The following FAM171B variants were observed in gnomAD, a reference collection of about 807,000 sequenced individuals.
FAM171B encodes the protein protein FAM171B.
FAM171B carries 19 observed loss-of-function variants against 75.6 expected under a neutral mutation model. The ratio of observed to expected loss-of-function variants is 0.25; its 90% CI spans 0.18 to 0.37. The LOEUF is 0.37. Among genes scored for constraint, FAM171B ranks in the 10% least tolerant of loss-of-function variants. The pLI is 1.00. For synonymous variants in FAM171B, 367 were observed against 361.7 expected (o/e 1.01, Z -0.17); for missense variants, 848 against 982.4 (o/e 0.86, Z 1.83).
chr2:186,704,361 T>G (rs1689705764), intron 1 of FAM171B, among the ~76,000 whole-genome samples: 2 of 152,164 alleles, frequency 1.3e-5, no homozygotes. Context: ...AAGTATTCCC[T>G]TCCCGGGTTA....
At chr2:186,703,076 TACAC>T (rs35043744) in intron 1 of FAM171B, among the ~76,000 whole-genome samples, 6 of 145,572 alleles carry the variant, frequency 4.1e-5, no homozygotes, top group South Asian at 2.2e-4. Context: ...TATATATATA[TACAC>T]ACACACACAC....
At position 186,698,259 on chromosome 2, in the gene FAM171B, A is replaced by G. The variant is rs76395778; in HGVS notation, c.238+3848A>G. Among the ~76,000 whole-genome samples the G allele has an allele frequency of 1.5e-3, 236 of 152,342 alleles. 1 individual carries two copies. In the East Asian group the frequency reaches 0.03, roughly 19 times the overall value. On this transcript the variant is annotated intron_variant, in intron 1 of 7. Transcript: ENST00000304698. Reference sequence around the variant, plus strand: ...GAGACACAGGGGATCTCCAGGGATCATAGAAATGTCTTTTCAGTACAGAGA... The same window carrying G: ...GAGACACAGGGGATCTCCAGGGATCGTAGAAATGTCTTTTCAGTACAGAGA...
chr2:186,713,350 G>A lies in FAM171B; in HGVS notation c.238+18939G>A, dbSNP rs368717105. Among the ~76,000 whole-genome samples, 22 of 152,304 alleles carry A rather than the reference G, an allele frequency of 1.4e-4. No individual in the cohort carries two copies. The East Asian group carries it at 4.2e-3, about 29-fold the overall frequency. ...TAAAATCTATTCTTCCCCTTCTGGGGGGTGATCTTGGGGAAACTCATTAAA... is the reference window on the plus strand; with the variant it reads ...TAAAATCTATTCTTCCCCTTCTGGGAGGTGATCTTGGGGAAACTCATTAAA... On this transcript the variant is annotated intron_variant, in intron 1 of 7. Coordinates refer to ENST00000304698, the MANE Select transcript of FAM171B (RefSeq NM_177454.4).
At chr2:186,709,198 C>G (rs1689777153) in intron 1 of FAM171B, among the ~76,000 whole-genome samples, 1 of 152,070 alleles carries the variant, frequency 6.6e-6, no homozygotes, top group Non-Finnish European at 1.5e-5. Flanking sequence ...GAAATCTGCC[C>G]CCATGATCCA....
chr2:186,743,275 C>T (rs1690318379), intron 2 of FAM171B, among the ~76,000 whole-genome samples: 1 of 151,996 alleles, frequency 6.6e-6, no homozygotes, highest in South Asian at 2.1e-4. Flanking sequence ...ATAGTGATAA[C>T]CAATGTTTTC....
At chr2:186,730,606 T>C (rs1010428885) in intron 1 of FAM171B, among the ~76,000 whole-genome samples, 1 of 152,200 alleles carries the variant, frequency 6.6e-6, no homozygotes, top group Non-Finnish European at 1.5e-5. Flanking sequence ...ATTTGGATCA[T>C]CAAGACTTGA....
intron 1 of FAM171B, among the ~76,000 whole-genome samples, chr2:186,737,182 G>A (rs945071565): frequency 6.6e-6 from 1 of 152,250 alleles, no homozygotes; most frequent in East Asian, 1.9e-4. Flanking sequence ...CGTTTACAGG[G>A]GAAGAGAAAG....
rs770243534 is a variant in FAM171B at position 186,694,332 on chromosome 2, A to ACAG, written c.161_162insGCA (p.Gln56dup). 49 of 1,612,508 alleles carry ACAG rather than the reference A, an allele frequency of 3.0e-5. No homozygotes were observed. In the Middle Eastern group the frequency reaches 9.9e-4, roughly 32 times the overall value. The stretch of plus-strand genomic sequence containing the variant: ...AGCAGCAGCAGCAGCAACAACAACA[A>ACAG]CAACAGCAAAAGCAGCTGGAGGAGG... On this transcript the variant is annotated inframe_insertion, in exon 1 of 8. Coordinates refer to ENST00000304698, the MANE Select transcript of FAM171B (RefSeq NM_177454.4).
rs1292998495 is a variant in FAM171B at position 186,761,760 on chromosome 2, A to G, written c.1418A>G (p.Asn473Ser). The G allele has an allele frequency of 6.2e-7, 1 of 1,613,294 alleles. No homozygotes were observed. The highest frequency in any genetic ancestry group is 2.2e-5 in the East Asian group (1 of 44,868). ...GAAGATGTTTCATTTCTATCAGTCA[A>G]TCAAAATAATTACTCAAGAAACCCA... is the stretch of plus-strand genomic sequence containing the variant. ...YNEDVSFLSV[N>S]QNNYSRNPTQ... Residue 473 changes from asparagine (N) to serine (S), a missense_variant, in exon 8 of 8, where the codon AAT becomes AGT. Physicochemically the swap from Asn to Ser is conservative, Grantham distance 46. Transcript: ENST00000304698.
At position 186,762,388 on chromosome 2, in the gene FAM171B, T is replaced by C. The variant is rs1317428007; in HGVS notation, c.2046T>C (p.Val682=). The change falls in exon 8 of 8, where the codon GTT becomes GTC. Residue 682 remains valine, a synonymous_variant. Coordinates refer to ENST00000304698, the MANE Select transcript of FAM171B (RefSeq NM_177454.4). The surrounding 1 kb of genome is among the most constrained non-coding windows in gnomAD (Gnocchi z 4.0). The part of the protein sequence containing the change: ...AWFVSLDGKP[V]AQVRHSFIDL... ...TTGTGTCTCTTGATGGAAAGCCAGT[T>C]GCACAAGTGAGGCACTCCTTTATAG... is the stretch of plus-strand genomic sequence containing the variant. 6.2e-7 allele frequency: 1 copy of C among 1,613,494 alleles called. No individual in the cohort carries two copies. Among genetic ancestry groups the C allele is most frequent in the Non-Finnish European group, 8.5e-7 (1 of 1,179,746 alleles).
Position 186,704,748 on chromosome 2 carries a change from G to A in FAM171B, c.238+10337G>A, listed in dbSNP as rs201263816. Among the ~76,000 whole-genome samples, 6 of 152,296 alleles carry A rather than the reference G, an allele frequency of 3.9e-5. No individual in the cohort carries two copies. The East Asian group carries it at 9.6e-4, about 24-fold the overall frequency. The stretch of plus-strand genomic sequence containing the variant: ...GAATGTGTATTTTAAAATTGCTTCT[G>A]TACCATAGTATAATATTTCAAATAG... On this transcript the variant is annotated intron_variant, in intron 1 of 7. Coordinates refer to ENST00000304698, the MANE Select transcript of FAM171B (RefSeq NM_177454.4).
intron 1 of FAM171B, among the ~76,000 whole-genome samples, chr2:186,725,514 A>G (rs1457566688): frequency 1.3e-5 from 2 of 152,060 alleles, no homozygotes; most frequent in East Asian, 3.9e-4. Context: ...AGTCTCAAGG[A>G]TAAGTATCTG....
At chr2:186,714,654 G>C (rs1211657854) in intron 1 of FAM171B, among the ~76,000 whole-genome samples, 1 of 152,146 alleles carries the variant, frequency 6.6e-6, no homozygotes, top group Non-Finnish European at 1.5e-5. Context: ...AGTCCACTTT[G>C]GTTGTAACTG....
Position 186,761,911 on chromosome 2 carries a change from G to T in FAM171B, c.1569G>T (p.Gly523=). 6.2e-7 allele frequency: 1 copy of T among 1,613,126 alleles called. No individual in the cohort carries two copies. The highest frequency in any genetic ancestry group is 8.5e-7 in the Non-Finnish European group (1 of 1,179,672). Residue 523 remains glycine, a synonymous_variant, in exon 8 of 8, where the codon GGG becomes GGT. Coordinates refer to ENST00000304698, the MANE Select transcript of FAM171B (RefSeq NM_177454.4). ...RYLTGNEEAY[G]RSHIPEQLMH... ...TCACAGGTAATGAGGAGGCGTATGGGCGTTCCCATATTCCTGAACAGCTTA... is the reference window on the plus strand; with the variant it reads ...TCACAGGTAATGAGGAGGCGTATGGTCGTTCCCATATTCCTGAACAGCTTA...
intron 1 of FAM171B, among the ~76,000 whole-genome samples, chr2:186,725,200 C>T (rs935855289): frequency 2.6e-5 from 4 of 151,834 alleles, no homozygotes; most frequent in African/African-American, 9.7e-5. Flanking sequence ...AAAAATTAGC[C>T]GGGCGTGGTG....
chr2:186,695,438 A>G (rs1689566216), intron 1 of FAM171B, among the ~76,000 whole-genome samples: 1 of 152,220 alleles, frequency 6.6e-6, no homozygotes, highest in Non-Finnish European at 1.5e-5. Flanking sequence ...AACCAAAGTG[A>G]ATTTTATTAT....
chr2:186,729,333 A>G (rs1690078886), intron 1 of FAM171B, among the ~76,000 whole-genome samples: 1 of 146,968 alleles, frequency 6.8e-6, no homozygotes. Context: ...TGCTCATTGA[A>G]AGCTAAAAAA....
chr2:186,734,062 A>C (rs1311896359), intron 1 of FAM171B, among the ~76,000 whole-genome samples: 2 of 152,196 alleles, frequency 1.3e-5, no homozygotes, highest in Non-Finnish European at 2.9e-5. Flanking sequence ...GGAAAAATGA[A>C]ATACACAGAC....
At chr2:186,720,258 G>A (rs1326131730) in intron 1 of FAM171B, among the ~76,000 whole-genome samples, 2 of 152,132 alleles carry the variant, frequency 1.3e-5, no homozygotes, top group African/African-American at 2.4e-5. Flanking sequence ...GGCTGATCTC[G>A]AACTTCTGAC....
Sources: allele counts gnomAD v4.1 joint callset (sites outside exome capture counted in the v4.1 genomes callset), GRCh38; gene constraint gnomAD v4.1.1; non-coding constraint Gnocchi (gnomAD v3.1); transcripts MANE v1.5; gene names NCBI Gene and HGNC (gene_info 2026-07-23, HGNC 2026-07-21).